CAMK4: variants seen among roughly 807,000 people sequenced by gnomAD.
CAMK4 encodes calcium/calmodulin dependent protein kinase IV.
A neutral mutation model predicts 44.9 loss-of-function variants in CAMK4; 22 were observed. That is an observed-to-expected ratio of 0.49 (90% CI 0.35 to 0.70). The LOEUF (loss-of-function observed/expected upper bound fraction) is 0.70, where lower values mean the gene tolerates loss of function less well. Ranked by LOEUF, CAMK4 falls within the 30% of genes least tolerant of loss-of-function variation. The pLI is 0.01. For synonymous variants in CAMK4, 218 were observed against 215.4 expected, an observed-to-expected ratio of 1.01 and a Z score of -0.11; for missense variants, 498 against 586.8, an observed-to-expected ratio of 0.85 and a Z score of 1.56.
intron 1 of CAMK4, among the ~76,000 whole-genome samples, chr5:111,309,482 AC>A: frequency 6.6e-6 from 1 of 152,252 alleles, no homozygotes; most frequent in Non-Finnish European, 1.5e-5. Flanking sequence ...GTTGCATTTA[AC>A]CATCCCCATA....
At chr5:111,236,668 A>G (rs1748743264) in intron 1 of CAMK4, among the ~76,000 whole-genome samples, 2 of 152,328 alleles carry the variant, frequency 1.3e-5, no homozygotes, top group East Asian at 1.9e-4. Flanking sequence ...TCCCTCCAGG[A>G]CAGTCATCCA....
intron 5 of CAMK4, among the ~76,000 whole-genome samples, chr5:111,432,845 T>G (rs1753507062): frequency 6.6e-6 from 1 of 152,028 alleles, no homozygotes; most frequent in Non-Finnish European, 1.5e-5. Flanking sequence ...CATATATTAT[T>G]TTTATAAACA....
At chr5:111,472,854 C>T (rs772670778) in intron 7 of CAMK4, among the ~76,000 whole-genome samples, 10 of 152,154 alleles carry the variant, frequency 6.6e-5, no homozygotes, top group Non-Finnish European at 1.2e-4. Flanking sequence ...TACACTGGTT[C>T]CCACCCTGCA....
At chr5:111,339,000 G>A (rs574683890) in intron 1 of CAMK4, among the ~76,000 whole-genome samples, 1 of 151,438 alleles carries the variant, frequency 6.6e-6, no homozygotes. Flanking sequence ...AATGATGTTA[G>A]TAGTTTGATA....
At chr5:111,363,568 T>A (rs919773009) in intron 2 of CAMK4, among the ~76,000 whole-genome samples, 3 of 152,024 alleles carry the variant, frequency 2.0e-5, no homozygotes, top group African/African-American at 7.2e-5. Context: ...TTATAAAAAA[T>A]TGAATGGTAT....
intron 2 of CAMK4, among the ~76,000 whole-genome samples, chr5:111,370,744 G>A (rs967371609): frequency 4.6e-5 from 7 of 152,082 alleles, no homozygotes; most frequent in Admixed American, 1.3e-4. Context: ...ATGAAACCCC[G>A]TCTCTACCAG....
chr5:111,285,739 C>A (rs1306193467), intron 1 of CAMK4, among the ~76,000 whole-genome samples: 1 of 152,158 alleles, frequency 6.6e-6, no homozygotes, highest in African/African-American at 2.4e-5. Flanking sequence ...TGTTCCCTGT[C>A]AATGCTATTA....
chr5:111,430,180 T>C (rs1334545276), intron 5 of CAMK4, among the ~76,000 whole-genome samples: 2 of 152,164 alleles, frequency 1.3e-5, no homozygotes, highest in Non-Finnish European at 2.9e-5. Flanking sequence ...AATCAATCAA[T>C]GTGACATGTC....
chr5:111,442,165 G>C (rs1753846597), intron 5 of CAMK4, among the ~76,000 whole-genome samples: 1 of 152,102 alleles, frequency 6.6e-6, no homozygotes, highest in South Asian at 2.1e-4. Flanking sequence ...TCCTGTTAGG[G>C]GGTTCTGTGA....
rs565286230 is a variant in CAMK4 at position 111,230,585 on chromosome 5, A to C, written c.161+5941A>C. On this transcript the variant is annotated intron_variant, in intron 1 of 10. Transcript: ENST00000282356. ...TGGGGGAAAAAAAAAAAAAAGACAC[A>C]GGTGCCATCTGCTTCTAAACTGTTC... 4.0e-5 allele frequency among the ~76,000 whole-genome samples: 6 copies of C among 151,172 alleles called. No homozygotes were observed. The East Asian group carries it at 9.7e-4, about 24-fold the overall frequency.
At chr5:111,277,867 A>C (rs1384830850) in intron 1 of CAMK4, among the ~76,000 whole-genome samples, 1 of 152,208 alleles carries the variant, frequency 6.6e-6, no homozygotes. Flanking sequence ...ATTTATTGGT[A>C]TATAAATATA....
chr5:111,475,952 T>C (rs1755221089), intron 8 of CAMK4, among the ~76,000 whole-genome samples: 1 of 152,174 alleles, frequency 6.6e-6, no homozygotes, highest in South Asian at 2.1e-4. Flanking sequence ...AGTAACCAAA[T>C]GAAGAATTAG....
At chr5:111,427,596 G>A (rs113137018) in intron 5 of CAMK4, among the ~76,000 whole-genome samples, 1,621 of 152,326 alleles carry the variant, frequency 0.011, 28 homozygotes, top group African/African-American at 0.037. Flanking sequence ...GGGAACATTG[G>A]CAGTAGTTTG....
chr5:111,431,476 C>A (rs1489276011), intron 5 of CAMK4, among the ~76,000 whole-genome samples: 1 of 152,080 alleles, frequency 6.6e-6, no homozygotes. Context: ...CAATACCCCA[C>A]AAGCACAGGT....
chr5:111,328,668 G>C (rs888800194), intron 1 of CAMK4, among the ~76,000 whole-genome samples: 3 of 151,968 alleles, frequency 2.0e-5, no homozygotes, highest in Non-Finnish European at 2.9e-5. Context: ...CCATTTGTTT[G>C]TATCCTCTTT....
At chr5:111,477,218 G>C (rs31622) in intron 8 of CAMK4, among the ~76,000 whole-genome samples, 125,451 of 152,184 alleles carry the variant, frequency 0.82, 52,495 homozygotes, top group African/African-American at 0.95. Flanking sequence ...TTGGCCCAGG[G>C]GTCTGCACTG....
intron 1 of CAMK4, among the ~76,000 whole-genome samples, chr5:111,273,933 C>A (rs1318433300): frequency 6.6e-6 from 1 of 151,602 alleles, no homozygotes; most frequent in Non-Finnish European, 1.5e-5. Flanking sequence ...TATATACTTA[C>A]ATTATTAATT....
chr5:111,432,540 A>T (rs902896236), intron 5 of CAMK4, among the ~76,000 whole-genome samples: 1 of 151,278 alleles, frequency 6.6e-6, no homozygotes, highest in African/African-American at 2.4e-5. Context: ...GAGGGGATAG[A>T]TACCCCCATT....
At chr5:111,244,900 A>G (rs1375474740) in intron 1 of CAMK4, among the ~76,000 whole-genome samples, 1 of 151,906 alleles carries the variant, frequency 6.6e-6, no homozygotes, top group South Asian at 2.1e-4. Flanking sequence ...ATAATATAAC[A>G]TAACATAAAA....
Sources: gnomAD v4.1 joint callset for allele counts (sites outside exome capture counted in the v4.1 genomes callset) on GRCh38, gnomAD v4.1.1 for gene constraint, MANE v1.5 for transcripts, NCBI Gene and HGNC (gene_info 2026-07-23, HGNC 2026-07-21) for gene names.